The following UGT1A7 variants were observed in gnomAD, a reference collection of about 807,000 sequenced individuals.
UGT1A7 encodes UDP glucuronosyltransferase family 1 member A7, also known as UDP-glucuronosyltransferase 1A7.
Under a neutral mutation model 45.6 loss-of-function variants are expected in UGT1A7, and 33 were observed. The observed-to-expected ratio is 0.72, with a 90% CI of 0.55 to 0.97. UGT1A7 has a LOEUF of 0.97. UGT1A7 is among the 50% of genes least tolerant of loss of function. UGT1A7 has a pLI of 0.00. For synonymous variants in UGT1A7, 274 were observed against 250.6 expected, an observed-to-expected ratio of 1.09 and a Z score of -0.88; for missense variants, 684 against 666.2, an observed-to-expected ratio of 1.03 and a Z score of -0.29.
chr2:233,729,678 C>T (rs748966468), intron 1 of UGT1A7: 13 of 1,613,930 alleles, frequency 8.1e-6, no homozygotes, highest in Middle Eastern at 1.7e-4. Context: ...ACTTTAAGGG[C>T]ACACAGTGTC....
intron 1 of UGT1A7, chr2:233,761,147 C>T (rs1264463667): frequency 1.4e-5 from 23 of 1,614,204 alleles, no homozygotes; most frequent in Non-Finnish European, 1.8e-5. Context: ...AATCCACTAT[C>T]CCAGGTGTGT....
chr2:233,711,855 C>A (rs922425010), intron 1 of UGT1A7, among the ~76,000 whole-genome samples: 2 of 152,178 alleles, frequency 1.3e-5, no homozygotes, highest in Non-Finnish European at 2.9e-5. Flanking sequence ...TTGCCAAGCA[C>A]AAGTATGAGT....
At chr2:233,744,229 G>T (rs1245532493) in intron 1 of UGT1A7, among the ~76,000 whole-genome samples, 1 of 151,826 alleles carries the variant, frequency 6.6e-6, no homozygotes, top group African/African-American at 2.4e-5. Context: ...AAAAGAGAGG[G>T]CCTTGACTTT....
At chr2:233,743,542 C>A in intron 1 of UGT1A7, 1 of 1,364,376 alleles carries the variant, frequency 7.3e-7, no homozygotes, top group Non-Finnish European at 9.8e-7. Flanking sequence ...GTTCCTCTGA[C>A]CCCCCCAAAA....
At chr2:233,689,025 G>A (rs1000208485) in intron 1 of UGT1A7, among the ~76,000 whole-genome samples, 5 of 152,202 alleles carry the variant, frequency 3.3e-5, no homozygotes, top group African/African-American at 1.2e-4. Flanking sequence ...ACATGGCCAA[G>A]TGGAAATCCT....
In UGT1A7 at chr2:233,769,378, G is replaced by A. The variant is rs986725274; in HGVS notation, c.1295+939G>A. Reference sequence around the variant, plus strand: ...TGGTGGCCAGTGGTAGATTTCATCCGACAATAGATACTGTGTGCATATGTG... The same window carrying A: ...TGGTGGCCAGTGGTAGATTTCATCCAACAATAGATACTGTGTGCATATGTG... On this transcript the variant is annotated intron_variant, in intron 4 of 4. Coordinates refer to ENST00000373426, the MANE Select transcript of UGT1A7 (RefSeq NM_019077.3). This position sits in a 1 kb window ranked among gnomAD's most constrained non-coding sequence, Gnocchi z 4.4. Among the ~76,000 whole-genome samples, 7 of 152,200 alleles carry A rather than the reference G, an allele frequency of 4.6e-5. No individual in the cohort carries two copies. Among genetic ancestry groups the A allele is most frequent in the African/African-American group, 7.2e-5 (3 of 41,448 alleles).
chr2:233,745,241 G>C (rs1693049313), intron 1 of UGT1A7, among the ~76,000 whole-genome samples: 1 of 151,840 alleles, frequency 6.6e-6, no homozygotes. Context: ...ACTATTTACT[G>C]TATCGAAACC....
chr2:233,754,803 G>T lies in UGT1A7; in HGVS notation c.856-12231G>T, dbSNP rs550413061. 8.8e-5 allele frequency: 113 copies of T among 1,279,154 alleles called. No homozygotes were observed. In the South Asian group the frequency reaches 1.3e-3, roughly 15 times the overall value. The allele number at this position is 1,279,154 out of a possible 1,614,324, so 79.2% of individuals were successfully genotyped here. On this transcript the variant is annotated intron_variant, in intron 1 of 4. Transcript: ENST00000373426. ...AAAGGAACGAAATCCTGTATCAAAAGAAGAAAAACCACCCTCAAAAGCTGG... is the reference window on the plus strand; with the variant it reads ...AAAGGAACGAAATCCTGTATCAAAATAAGAAAAACCACCCTCAAAAGCTGG...
At chr2:233,713,590 C>T in intron 1 of UGT1A7, 1 of 1,613,980 alleles carries the variant, frequency 6.2e-7, no homozygotes, top group Non-Finnish European at 8.5e-7. Flanking sequence ...TTACTAACGA[C>T]CAATTCAGAC....
intron 1 of UGT1A7, chr2:233,743,776 C>T: frequency 7.3e-7 from 1 of 1,367,308 alleles, no homozygotes; most frequent in Non-Finnish European, 9.8e-7. Context: ...CGGCCACCTG[C>T]TTGAATCTCC....
chr2:233,711,076 G>A (rs1307844481), intron 1 of UGT1A7, among the ~76,000 whole-genome samples: 2 of 152,172 alleles, frequency 1.3e-5, no homozygotes, highest in Non-Finnish European at 2.9e-5. Flanking sequence ...TTATGCTGAT[G>A]GCTCCAAGTC....
At position 233,767,169 on chromosome 2, in the gene UGT1A7, A is replaced by G; in HGVS notation, c.987+4A>G. On this transcript the variant is annotated splice_donor_region_variant and intron_variant, in intron 2 of 4. Coordinates refer to ENST00000373426, the MANE Select transcript of UGT1A7 (RefSeq NM_019077.3). The stretch of plus-strand genomic sequence containing the variant: ...TTTGGGCAAAATCCCTCAGACAGTA[A>G]GAAGATTCTATACCATGGCCTCATA... 1.2e-6 allele frequency: 2 copies of G among 1,614,122 alleles called. No homozygotes were observed. The highest frequency in any genetic ancestry group is 1.7e-6 in the Non-Finnish European group (2 of 1,180,012).
At chr2:233,695,451 A>G (rs774662852) in intron 1 of UGT1A7, among the ~76,000 whole-genome samples, 22 of 149,706 alleles carry the variant, frequency 1.5e-4, no homozygotes, top group South Asian at 6.5e-4. Context: ...TTTTTGATCA[A>G]CGTGCTTTAT....
rs529174964 is a variant in UGT1A7, at chr2:233,763,096, G to C, written c.856-3938G>C. Among the ~76,000 whole-genome samples the C allele has an allele frequency of 2.0e-5, 3 of 152,310 alleles. No individual in the cohort carries two copies. The East Asian group carries it at 5.8e-4, about 29-fold the overall frequency. On this transcript the variant is annotated intron_variant, in intron 1 of 4. Transcript: ENST00000373426. Reference sequence around the variant, plus strand: ...TTGCGTGAGGATGTTTGTAGGAGAGGCACCGAACTTTATCAGCTGCCTTTC... The same window carrying C: ...TTGCGTGAGGATGTTTGTAGGAGAGCCACCGAACTTTATCAGCTGCCTTTC...
intron 1 of UGT1A7, among the ~76,000 whole-genome samples, chr2:233,686,879 G>T (rs1321827136): frequency 1.1e-4 from 16 of 151,924 alleles, no homozygotes; most frequent in Admixed American, 4.6e-4. Flanking sequence ...CACTTTTTCT[G>T]CATGATTCCT....
chr2:233,690,597 A>G, intron 1 of UGT1A7: 1 of 1,289,586 alleles, frequency 7.8e-7, no homozygotes, highest in East Asian at 5.5e-5. Context: ...AGAAAAAAAA[A>G]AAATCGGCCT....
At chr2:233,740,216 C>T (rs2125828149) in intron 1 of UGT1A7, among the ~76,000 whole-genome samples, 1 of 151,920 alleles carries the variant, frequency 6.6e-6, no homozygotes, top group Admixed American at 6.5e-5. Flanking sequence ...CCAGTCTCAG[C>T]TGCGTCTTTA....
At chr2:233,732,755 GT>G (rs956485327) in intron 1 of UGT1A7, among the ~76,000 whole-genome samples, 12,936 of 120,072 alleles carry the variant, frequency 0.11, 575 homozygotes, top group East Asian at 0.2. Context: ...CACCAGCTTT[GT>G]TTTTTTTTTT....
At chr2:233,705,132 G>A (rs1332682546) in intron 1 of UGT1A7, among the ~76,000 whole-genome samples, 13 of 103,146 alleles carry the variant, frequency 1.3e-4, no homozygotes, top group Non-Finnish European at 2.0e-4. Flanking sequence ...GCGAGACTTC[G>A]TCTGAAAAAA....
Sources: gnomAD v4.1 joint callset for allele counts (sites outside exome capture counted in the v4.1 genomes callset) on GRCh38, gnomAD v4.1.1 for gene constraint, Gnocchi (gnomAD v3.1) non-coding constraint, MANE v1.5 for transcripts, NCBI Gene and HGNC (gene_info 2026-07-23, HGNC 2026-07-21) for gene names.